The following SEMA6A variants were observed in gnomAD, a reference collection of about 807,000 sequenced individuals.
SEMA6A encodes the protein semaphorin-6A.
Under a neutral mutation model 96.8 loss-of-function variants are expected in SEMA6A, and 25 were observed. That is an observed-to-expected ratio of 0.26 (90% CI 0.19 to 0.36). The LOEUF is 0.36. Among genes scored for constraint, SEMA6A ranks in the 10% least tolerant of loss-of-function variants. The probability of loss-of-function intolerance (pLI) is 1.00; values close to 1 mark genes in which losing one functional copy is unlikely to be tolerated. For synonymous variants in SEMA6A, 612 were observed against 518.0 expected, an observed-to-expected ratio of 1.18 and a Z score of -2.46; for missense variants, 1,363 against 1,323.1, an observed-to-expected ratio of 1.03 and a Z score of -0.47.
chr5:116,520,706 G>A (rs1368101529), intron 1 of SEMA6A, among the ~76,000 whole-genome samples: 2 of 152,196 alleles, frequency 1.3e-5, no homozygotes, highest in Non-Finnish European at 2.9e-5. Context: ...GCCTACCTAA[G>A]GGGATGGGGA....
intron 3 of SEMA6A, 49 bp from the exon 4 acceptor site, chr5:116,497,436 G>T (rs545001391): frequency 7.8e-6 from 9 of 1,159,152 alleles, no homozygotes; most frequent in Middle Eastern, 1.9e-4. Flanking sequence ...AGTCAAAACA[G>T]TTCATTTTCT....
In SEMA6A at chr5:116,447,230, G is replaced by C; in HGVS notation, c.2476C>G (p.Gln826Glu). 6.2e-7 allele frequency: 1 copy of C among 1,614,056 alleles called. No homozygotes were observed. Residue 826 changes from glutamine (Q) to glutamate (E), a missense_variant, in exon 19 of 19, where the codon CAG becomes GAG. Physicochemically the swap from Gln to Glu is conservative, Grantham distance 29 (BLOSUM62 2). Transcript: ENST00000343348. ...VVLPITQQGY[Q>E]HEYVDQPKMS... is the part of the protein sequence containing the mutation. ...TTGGGCTGGTCCACGTACTCATGCT[G>C]GTAGCCCTGCTGCGTGATGGGCAGG... is the stretch of plus-strand genomic sequence containing the variant.
At chr5:116,472,607 C>A in intron 17 of SEMA6A, 1 of 349,452 alleles carries the variant, frequency 2.9e-6, no homozygotes, top group Non-Finnish European at 5.1e-6. Flanking sequence ...AATTTCTTCT[C>A]CCTCAAGAAC....
chr5:116,500,283 A>G (rs547217737), intron 3 of SEMA6A, among the ~76,000 whole-genome samples: 4 of 152,328 alleles, frequency 2.6e-5, no homozygotes, highest in Admixed American at 6.5e-5. Flanking sequence ...GAATGACAGC[A>G]TGGACTCTAG....
At chr5:116,494,335 T>G (rs1757472452) in intron 6 of SEMA6A, among the ~76,000 whole-genome samples, 1 of 152,190 alleles carries the variant, frequency 6.6e-6, no homozygotes, top group Non-Finnish European at 1.5e-5. Context: ...AAGACAAAGG[T>G]TAGGCATTGC....
chr5:116,472,779 A>G, intron 17 of SEMA6A: 2 of 841,312 alleles, frequency 2.4e-6, no homozygotes, highest in Non-Finnish European at 3.5e-6. Flanking sequence ...GGGGCCCTAA[A>G]GTAACAAAGA....
At chr5:116,519,014 T>G (rs1302961462) in intron 1 of SEMA6A, among the ~76,000 whole-genome samples, 1 of 151,450 alleles carries the variant, frequency 6.6e-6, no homozygotes, top group African/African-American at 2.4e-5. Flanking sequence ...AAAAAAAAAG[T>G]CATTCTAAAA....
intron 1 of SEMA6A, among the ~76,000 whole-genome samples, chr5:116,522,454 A>G (rs1319577868): frequency 6.6e-6 from 1 of 152,156 alleles, no homozygotes; most frequent in African/African-American, 2.4e-5. Flanking sequence ...GAGGGAATTT[A>G]TAGGCATTGT....
intron 1 of SEMA6A, among the ~76,000 whole-genome samples, chr5:116,516,030 G>C (rs1476086789): frequency 6.6e-6 from 1 of 152,142 alleles, no homozygotes. Context: ...ACATTTCCTT[G>C]AACTAAAATG....
intron 1 of SEMA6A, among the ~76,000 whole-genome samples, 161 bp downstream of exon 1, chr5:116,574,024 G>A (rs929866564): frequency 3.4e-5 from 5 of 149,088 alleles, no homozygotes; most frequent in Non-Finnish European, 7.4e-5. Flanking sequence ...GCTCACGGCT[G>A]CTCCCCCAGG....
At chr5:116,536,678 C>T (rs924105161) in intron 1 of SEMA6A, among the ~76,000 whole-genome samples, 3 of 152,054 alleles carry the variant, frequency 2.0e-5, no homozygotes, top group East Asian at 1.9e-4. Context: ...GAAAGGCCCC[C>T]GATCTTCCAC....
chr5:116,515,114 C>G (rs1758606438), intron 1 of SEMA6A, among the ~76,000 whole-genome samples: 1 of 152,136 alleles, frequency 6.6e-6, no homozygotes, highest in Non-Finnish European at 1.5e-5. Context: ...TAAGACATTT[C>G]AGGTAGAAGG....
rs1756558857 is a variant in SEMA6A, at chr5:116,478,145, A to G, written c.1437T>C (p.Tyr479=). ...MSVYNSEKCS[Y]DGVEDKRIMG... is the part of the protein sequence containing the mutation. ...TGATCCTTTTGTCTTCGACTCCATC[A>G]TAGCTGCATCTAATTTCATCAGGCA... The change falls in exon 14 of 19, where the codon TAT becomes TAC. Residue 479 remains tyrosine (Y), a synonymous_variant. Coordinates refer to ENST00000343348, the MANE Select transcript of SEMA6A (RefSeq NM_020796.5). 1 of 1,613,706 alleles carries G rather than the reference A, an allele frequency of 6.2e-7. No individual in the cohort carries two copies. Among genetic ancestry groups the G allele is most frequent in the Non-Finnish European group, 8.5e-7 (1 of 1,179,840 alleles).
chr5:116,467,315 C>T (rs1308290573), intron 18 of SEMA6A, among the ~76,000 whole-genome samples: 1 of 152,136 alleles, frequency 6.6e-6, no homozygotes, highest in African/African-American at 2.4e-5. Flanking sequence ...AAGCCAGCAT[C>T]TGCTTCGGGC....
intron 18 of SEMA6A, among the ~76,000 whole-genome samples, chr5:116,448,170 T>TAAAAAAAA (rs59202921): frequency 1.2e-4 from 14 of 119,522 alleles, no homozygotes; most frequent in African/African-American, 5.1e-4. Context: ...CCGTCTCTAC[T>TAAAAAAAA]AAAAAAAAAA....
chr5:116,468,011 C>T, intron 17 of SEMA6A: 1 of 442,936 alleles, frequency 2.3e-6, no homozygotes. Flanking sequence ...CTCAGGGAAT[C>T]ACTTAACCTC....
chr5:116,567,219 CTGTTTCCT>C (rs1031801471), intron 1 of SEMA6A, among the ~76,000 whole-genome samples: 26 of 152,092 alleles, frequency 1.7e-4, no homozygotes, highest in African/African-American at 5.8e-4. Context: ...CAAAGTTTCC[CTGTTTCCT>C]GTTTCCCTGC....
intron 1 of SEMA6A, among the ~76,000 whole-genome samples, chr5:116,524,453 A>G (rs115985535): frequency 0.022 from 3,379 of 152,296 alleles, 42 homozygotes; most frequent in Admixed American, 0.03. Flanking sequence ...GCAGCATGGA[A>G]CATGTGATTT....
intron 1 of SEMA6A, among the ~76,000 whole-genome samples, chr5:116,511,342 T>A (rs186522622): frequency 5.3e-5 from 8 of 152,128 alleles, no homozygotes; most frequent in African/African-American, 1.7e-4. Flanking sequence ...TAAAAAAAAA[T>A]TTCTATCAGC....
Sources: allele counts gnomAD v4.1 joint callset (sites outside exome capture counted in the v4.1 genomes callset), GRCh38; gene constraint gnomAD v4.1.1; transcripts MANE v1.5; gene names NCBI Gene and HGNC (gene_info 2026-07-23, HGNC 2026-07-21).